The following MEG3 variants were observed in gnomAD, a reference collection of about 807,000 sequenced individuals.
MEG3 encodes the protein maternally expressed 3, also known as Very putative protein from MEG3 locus.
intron 2 of MEG3, among the ~76,000 whole-genome samples, chr14:100,840,121 G>A (rs897829724): frequency 6.6e-6 from 1 of 152,254 alleles, no homozygotes; most frequent in African/African-American, 2.4e-5. Flanking sequence ...GTGTGTGAGA[G>A]AGGAGTTCAT....
chr14:100,835,946 C>A, intron 1 of MEG3: 1 of 328,578 alleles, frequency 3.0e-6, no homozygotes. Context: ...CTGCCCCGCC[C>A]GGTCCCTTGC....
At chr14:100,834,045 TC>T (rs1175684096), downstream of MEG3, 1 of 152,292 alleles carries the variant, frequency 6.6e-6, no homozygotes, top group Non-Finnish European at 1.5e-5. Flanking sequence ...AGGCAATCTT[TC>T]ATCCCCTTTT....
intron 3 of MEG3, chr14:100,851,850 C>T (rs954726167): frequency 6.4e-6 from 1 of 155,208 alleles, no homozygotes; most frequent in Non-Finnish European, 1.4e-5. Flanking sequence ...TGACAGTCCT[C>T]CCCCAGGGCC....
chr14:100,847,530 C>CA (rs2037951823), intron 3 of MEG3: 1 of 152,162 alleles, frequency 6.6e-6, no homozygotes, highest in South Asian at 2.1e-4. Flanking sequence ...TAAAAGAAGG[C>CA]AATGCGATCG....
intron 2 of MEG3, among the ~76,000 whole-genome samples, chr14:100,841,253 G>A (rs2037749966): frequency 6.6e-6 from 1 of 152,234 alleles, no homozygotes; most frequent in South Asian, 2.1e-4. Context: ...GCTGGCTTCT[G>A]AGCCTCAGAG....
chr14:100,834,581 C>G (rs368649691), exon 1 of MEG3: 43 of 414,880 alleles, frequency 1.0e-4, no homozygotes, highest in East Asian at 9.4e-4. Context: ...CTGTTGCCTT[C>G]TTCCTCGTCT....
chr14:100,842,817 T>C (rs2037800063), intron 2 of MEG3, among the ~76,000 whole-genome samples: 1 of 152,186 alleles, frequency 6.6e-6, no homozygotes, highest in Non-Finnish European at 1.5e-5. Context: ...GTGGAAGATG[T>C]TTTTGGAGTG....
intron 2 of MEG3, among the ~76,000 whole-genome samples, chr14:100,839,887 T>C (rs1192758861): frequency 6.6e-6 from 1 of 152,200 alleles, no homozygotes; most frequent in African/African-American, 2.4e-5. Context: ...TTCTAGGGCC[T>C]TCTGGGTTTG....
chr14:100,858,428 T>G (rs975091378), exon 1 of MEG3: 5 of 152,884 alleles, frequency 3.3e-5, no homozygotes, highest in African/African-American at 1.2e-4. Flanking sequence ...GGGTGCAGTG[T>G]TTGGCTCTCA....
rs2037539223 is a variant in MEG3, at chr14:100,835,382, C to T, written n.2414C>T. On this transcript the variant is annotated non_coding_transcript_exon_variant, in exon 1 of 4. Transcript: ENST00000398461. ...GGGCTTGGTCCAGCTCCTTCACTCT[C>T]TAGCAGCTGCTGGGGCCCACCTCCC... The T allele has an allele frequency of 1.3e-5, 2 of 153,452 alleles. 1 individual carries two copies. Among genetic ancestry groups the T allele is most frequent in the African/African-American group, 4.8e-5 (2 of 41,556 alleles). 9.5% of individuals were successfully genotyped at this position (153,452 alleles called of 1,614,324 possible). A position where few individuals can be genotyped will look rare whatever the true frequency, so the allele number is the denominator to read the frequency against.
downstream of MEG3, chr14:100,833,900 G>T (rs2037472200): frequency 6.6e-6 from 1 of 152,204 alleles, no homozygotes; most frequent in Non-Finnish European, 1.5e-5. Context: ...TAGTGAGTCT[G>T]TTGGCTAAAG....
At chr14:100,840,624 C>CT (rs1338638265) in intron 2 of MEG3, among the ~76,000 whole-genome samples, 3 of 152,178 alleles carry the variant, frequency 2.0e-5, no homozygotes. Context: ...TCCAAGGCTG[C>CT]ACAATGACGC....
chr14:100,833,316 G>C (rs904584617), downstream of MEG3: 2 of 152,260 alleles, frequency 1.3e-5, no homozygotes, highest in African/African-American at 2.4e-5. Flanking sequence ...CTGGAGTGCA[G>C]TGGCGTGATC....
exon 1 of MEG3, chr14:100,858,328 C>T (rs906247410): frequency 2.1e-4 from 32 of 152,972 alleles, no homozygotes; most frequent in African/African-American, 7.2e-4. Flanking sequence ...GCAGGGGTCT[C>T]CAGACATCCC....
exon 1 of MEG3, chr14:100,859,907 A>G (rs1452971044): frequency 6.6e-6 from 1 of 152,050 alleles, no homozygotes; most frequent in Non-Finnish European, 1.5e-5. Flanking sequence ...GGCCCCCGCA[A>G]CCCCTTCTGA....
intron 3 of MEG3, chr14:100,847,061 G>A (rs1184306794): frequency 6.6e-6 from 1 of 151,788 alleles, no homozygotes; most frequent in African/African-American, 2.4e-5. Context: ...TGAGTAATGA[G>A]TAACTCTGTA....
At chr14:100,830,982 T>G (rs1300007335), downstream of MEG3, 1 of 152,598 alleles carries the variant, frequency 6.6e-6, no homozygotes. Flanking sequence ...TGGCAGGAGC[T>G]TTTACCAGTG....
Position 100,847,708 on chromosome 14 carries a change from G to C in MEG3, n.3121+2175G>C, listed in dbSNP as rs547369332. 5 of 152,282 alleles carry C rather than the reference G, an allele frequency of 3.3e-5. No homozygotes were observed. The South Asian group carries it at 1.0e-3, about 32-fold the overall frequency. 9.4% of individuals were successfully genotyped at this position (152,282 alleles called of 1,614,324 possible). ...ATGGCCCCATGGGTCCTCCTGATGA[G>C]GGTGTTGGGGTCCCCCCTGGGCACC... On this transcript the variant is annotated intron_variant and non_coding_transcript_variant, in intron 3 of 3. Coordinates refer to the MEG3 transcript ENST00000398461.
exon 1 of MEG3, chr14:100,834,834 G>A: frequency 4.4e-6 from 2 of 456,578 alleles, no homozygotes; most frequent in Non-Finnish European, 8.8e-6. Flanking sequence ...AGGCTGGAGG[G>A]TGGAATTCAT....
Sources: allele counts gnomAD v4.1 joint callset (sites outside exome capture counted in the v4.1 genomes callset), GRCh38; gene constraint gnomAD v4.1.1; transcripts MANE v1.5; gene names NCBI Gene and HGNC (gene_info 2026-07-23, HGNC 2026-07-21).